Variants in IGF1R observed in about 807,000 individuals in gnomAD.
The protein encoded by IGF1R is insulin like growth factor 1 receptor.
In IGF1R, 44 loss-of-function variants were observed where a neutral mutation model predicts 144.6. The observed-to-expected ratio is 0.30, with a 90% CI of 0.24 to 0.39. IGF1R has a LOEUF of 0.39. Among genes scored for constraint, IGF1R ranks in the 10% least tolerant of loss-of-function variants. The pLI, the probability that IGF1R is intolerant of heterozygous loss-of-function variation, is 1.00. For missense variants in IGF1R, 1,355 were observed against 1,833.7 expected, an observed-to-expected ratio of 0.74 and a Z score of 4.77; for synonymous variants, 795 against 722.8, an observed-to-expected ratio of 1.10 and a Z score of -1.60.
At chr15:98,819,121 A>G (rs1300977927) in intron 2 of IGF1R, among the ~76,000 whole-genome samples, 1 of 151,902 alleles carries the variant, frequency 6.6e-6, no homozygotes, top group Non-Finnish European at 1.5e-5. Context: ...TCAGACATCC[A>G]GGGGGGGCAA....
intron 2 of IGF1R, among the ~76,000 whole-genome samples, chr15:98,794,402 C>T (rs2056193856): frequency 6.6e-6 from 1 of 152,064 alleles, no homozygotes; most frequent in Non-Finnish European, 1.5e-5. Flanking sequence ...GCAGGTGTTG[C>T]CCCCCGTGGT....
intron 2 of IGF1R, among the ~76,000 whole-genome samples, chr15:98,812,359 C>CTT (rs34851483): frequency 1.0e-3 from 140 of 140,196 alleles, no homozygotes; most frequent in Non-Finnish European, 1.8e-3. Context: ...CTTGAAAAAG[C>CTT]TTTTTTTTTT....
At chr15:98,928,366 C>CG (rs1179610256) in intron 13 of IGF1R, among the ~76,000 whole-genome samples, 1 of 152,210 alleles carries the variant, frequency 6.6e-6, no homozygotes, top group East Asian at 1.9e-4. Flanking sequence ...CCCAATTCTC[C>CG]AAGACATGAC....
At chr15:98,734,350 G>C (rs755376332) in intron 2 of IGF1R, among the ~76,000 whole-genome samples, 1 of 152,094 alleles carries the variant, frequency 6.6e-6, no homozygotes, top group African/African-American at 2.4e-5. Flanking sequence ...TTTTACTTCA[G>C]AGTAAGTCGG....
At chr15:98,841,317 T>G (rs1224561552) in intron 2 of IGF1R, among the ~76,000 whole-genome samples, 3 of 152,250 alleles carry the variant, frequency 2.0e-5, no homozygotes, top group Non-Finnish European at 4.4e-5. Flanking sequence ...CTGGCTGTGC[T>G]TCCTTGGTCA....
intron 2 of IGF1R, among the ~76,000 whole-genome samples, chr15:98,855,315 C>T (rs544654696): frequency 1.3e-5 from 2 of 152,350 alleles, no homozygotes; most frequent in East Asian, 1.9e-4. Context: ...CCCAGACAGA[C>T]GCCCCGAGCC....
At chr15:98,910,054 C>G (rs2014939361) in intron 6 of IGF1R, among the ~76,000 whole-genome samples, 1 of 152,172 alleles carries the variant, frequency 6.6e-6, no homozygotes, top group Non-Finnish European at 1.5e-5. Context: ...GGAGGCAAAT[C>G]AGAACCGATG....
At chr15:98,822,471 A>G (rs532327524) in intron 2 of IGF1R, among the ~76,000 whole-genome samples, 71 of 152,348 alleles carry the variant, frequency 4.7e-4, no homozygotes, top group African/African-American at 1.7e-3. Flanking sequence ...GTCCCGATGT[A>G]AAGTTTGGAG....
At chr15:98,684,524 A>G (rs902822054) in intron 1 of IGF1R, among the ~76,000 whole-genome samples, 3 of 152,164 alleles carry the variant, frequency 2.0e-5, no homozygotes, top group East Asian at 1.9e-4. Context: ...GGCAACCTCT[A>G]TGCTGTGGTT....
chr15:98,878,689 A>AC, intron 2 of IGF1R, among the ~76,000 whole-genome samples: 6 of 140,152 alleles, frequency 4.3e-5, no homozygotes, highest in African/African-American at 1.8e-4. Flanking sequence ...AAAAAAAAAA[A>AC]AAAAAACAAC....
At chr15:98,809,068 C>T (rs1041358793) in intron 2 of IGF1R, among the ~76,000 whole-genome samples, 1 of 152,138 alleles carries the variant, frequency 6.6e-6, no homozygotes, top group Non-Finnish European at 1.5e-5. Flanking sequence ...CTCAAGGTGC[C>T]AGGTAGCTGC....
chr15:98,739,680 C>T (rs1054497944), intron 2 of IGF1R, among the ~76,000 whole-genome samples: 3 of 152,180 alleles, frequency 2.0e-5, no homozygotes, highest in African/African-American at 7.2e-5. Context: ...ACTATCTTGG[C>T]TCACTGCAAC....
At position 98,649,456 on chromosome 15, in the gene IGF1R, T is replaced by G; in HGVS notation, c.-126T>G. The G allele has an allele frequency of 2.9e-6, 2 of 683,010 alleles. No homozygotes were observed. Among genetic ancestry groups the G allele is most frequent in the Non-Finnish European group, 2.4e-6 (1 of 412,162 alleles). The allele number at this position is 683,010 out of a possible 1,614,324, so 42.3% of individuals were successfully genotyped here. ...CGGAGTATTGTTTCCTTCGCCCTTG[T>G]TTTTGGAGGGGGAGCGAAGACTGAG... On this transcript the variant is annotated 5_prime_UTR_variant, in exon 1 of 21. Transcript: ENST00000650285.
rs2053799496 is a variant in IGF1R at position 98,704,011 on chromosome 15, G to T, written c.95-3551G>T. On this transcript the variant is annotated intron_variant, in intron 1 of 20. Transcript: ENST00000650285. This position sits in a 1 kb window ranked among gnomAD's most constrained non-coding sequence, Gnocchi z 4.9. ...TTCCACACCTGACCTCATGTGACGG[G>T]TCACTTTTCGAAACTCAGGCACACG... 6.6e-6 allele frequency among the ~76,000 whole-genome samples: 1 copy of T among 151,988 alleles called. No individual in the cohort carries two copies. Among genetic ancestry groups the T allele is most frequent in the Admixed American group, 6.6e-5 (1 of 15,236 alleles).
chr15:98,931,511 T>G (rs1024836765), intron 15 of IGF1R, among the ~76,000 whole-genome samples: 1 of 152,194 alleles, frequency 6.6e-6, no homozygotes, highest in African/African-American at 2.4e-5. Context: ...CTCCTCTGAA[T>G]GGGAATCAGG....
At chr15:98,675,966 C>T (rs1207904192) in intron 1 of IGF1R, among the ~76,000 whole-genome samples, 1 of 151,674 alleles carries the variant, frequency 6.6e-6, no homozygotes, top group Non-Finnish European at 1.5e-5. Flanking sequence ...GCTGGGATTA[C>T]AGGCGTGCGC....
chr15:98,674,802 CT>C (rs2052990693), intron 1 of IGF1R, among the ~76,000 whole-genome samples: 1 of 152,030 alleles, frequency 6.6e-6, no homozygotes, highest in East Asian at 1.9e-4. Flanking sequence ...GATTTTCCCC[CT>C]AGACTTATAT....
chr15:98,910,836 A>G (rs545860605), intron 6 of IGF1R, among the ~76,000 whole-genome samples: 29 of 152,310 alleles, frequency 1.9e-4, no homozygotes, highest in African/African-American at 6.5e-4. Context: ...TTTCTGTGGC[A>G]CACCTGTAGT....
chr15:98,930,162 A>G, intron 14 of IGF1R, 73 bp from the exon 15 acceptor site: 2 of 988,074 alleles, frequency 2.0e-6, no homozygotes, highest in Middle Eastern at 2.1e-4. Flanking sequence ...AAACTGTTGT[A>G]GCGAAGATGA....
Sources: allele counts gnomAD v4.1 joint callset (sites outside exome capture counted in the v4.1 genomes callset), GRCh38; gene constraint gnomAD v4.1.1; non-coding constraint Gnocchi (gnomAD v3.1); transcripts MANE v1.5; gene names NCBI Gene and HGNC (gene_info 2026-07-23, HGNC 2026-07-21).